The following PEX2 variants were observed in gnomAD, a reference collection of about 807,000 sequenced individuals.
The protein encoded by PEX2 is peroxisomal biogenesis factor 2.
In PEX2, 19 loss-of-function variants were observed where a neutral mutation model predicts 25.2. That is an observed-to-expected ratio of 0.75 (90% CI 0.53 to 1.10). The LOEUF (loss-of-function observed/expected upper bound fraction) is 1.10. PEX2 is among the 50% of genes least tolerant of loss of function. The probability of loss-of-function intolerance (pLI) is 0.00; values close to 1 mark genes in which losing one functional copy is unlikely to be tolerated. For synonymous variants in PEX2, 141 were observed against 127.7 expected, an observed-to-expected ratio of 1.10 and a Z score of -0.70; for missense variants, 347 against 350.6, an observed-to-expected ratio of 0.99 and a Z score of 0.08.
intron 1 of PEX2, chr8:76,999,683 G>A: frequency 2.7e-6 from 1 of 366,214 alleles, no homozygotes; most frequent in Non-Finnish European, 5.4e-6. Context: ...ACCGCCAAAT[G>A]AGAGAAAAAG....
chr8:77,000,081 C>CA (rs1467656796), upstream of PEX2: 1 of 399,250 alleles, frequency 2.5e-6, no homozygotes, highest in Non-Finnish European at 5.0e-6. Flanking sequence ...TCTGGATTAC[C>CA]AAGGCTTCCG....
At chr8:76,989,267 C>T (rs1807094411) in intron 1 of PEX2, among the ~76,000 whole-genome samples, 1 of 152,108 alleles carries the variant, frequency 6.6e-6, no homozygotes, top group Non-Finnish European at 1.5e-5. Flanking sequence ...TTAGGCTCCA[C>T]TCTAATTATA....
intron 1 of PEX2, 64 bp downstream of exon 1, chr8:76,999,926 A>G (rs1238397628): frequency 4.4e-6 from 2 of 456,550 alleles, no homozygotes; most frequent in Admixed American, 4.7e-5. Flanking sequence ...GTGAAACTCC[A>G]CGACCTCCCA....
chr8:76,994,746 A>C (rs554896338), intron 1 of PEX2, among the ~76,000 whole-genome samples: 1 of 152,168 alleles, frequency 6.6e-6, no homozygotes, highest in Non-Finnish European at 1.5e-5. Flanking sequence ...TTAGAATGAA[A>C]ATGTCACTGC....
In PEX2 at chr8:76,983,070, TTAACATTTACATAATA is replaced by T; in HGVS notation, c.*175_*190del. On this transcript the variant is annotated 3_prime_UTR_variant, in exon 4 of 4. Coordinates refer to ENST00000357039, the MANE Select transcript of PEX2 (RefSeq NM_000318.3). ...GCAATGATTTAAAAAACATAATACA[TTAACATTTACATAATA>T]TATTTAGAATCACATGGTTTCCAGT... The T allele has an allele frequency of 7.2e-7, 1 of 1,390,396 alleles. No homozygotes were observed. Among genetic ancestry groups the T allele is most frequent in the Non-Finnish European group, 9.4e-7 (1 of 1,061,930 alleles). The allele number at this position is 1,390,396 out of a possible 1,614,324, so 86.1% of individuals were successfully genotyped here.
intron 1 of PEX2, among the ~76,000 whole-genome samples, chr8:76,999,526 TTACG>T (rs1316521338): frequency 6.6e-6 from 1 of 152,212 alleles, no homozygotes; most frequent in African/African-American, 2.4e-5. Context: ...CAAACTGCAT[TTACG>T]TGCGCTTTCA....
chr8:76,989,432 C>T (rs138997572), intron 1 of PEX2, among the ~76,000 whole-genome samples: 21 of 152,202 alleles, frequency 1.4e-4, no homozygotes, highest in African/African-American at 4.6e-4. Context: ...CTTAATGGTA[C>T]ACAGAATGGC....
intron 1 of PEX2, among the ~76,000 whole-genome samples, chr8:76,992,481 C>G (rs924992893): frequency 6.6e-6 from 1 of 152,142 alleles, no homozygotes; most frequent in Admixed American, 6.5e-5. Flanking sequence ...AGAATACTCT[C>G]TTTAGAAAAG....
intron 1 of PEX2, among the ~76,000 whole-genome samples, chr8:76,997,033 C>T (rs992546291): frequency 6.6e-6 from 1 of 152,078 alleles, no homozygotes; most frequent in Non-Finnish European, 1.5e-5. Flanking sequence ...AATCTTTTTC[C>T]CCTTCAAGAT....
intron 1 of PEX2, among the ~76,000 whole-genome samples, chr8:76,995,916 A>AACAG (rs1807312010): frequency 1.6e-4 from 1 of 6,286 alleles, no homozygotes; most frequent in African/African-American, 1.2e-3. Context: ...ATTGGCTAAA[A>AACAG]AAAGAAACAA....
rs1806936755 is a variant in PEX2, at chr8:76,984,179, G to A, written c.-1C>T. 6.2e-7 allele frequency: 1 copy of A among 1,613,886 alleles called. No individual in the cohort carries two copies. Among genetic ancestry groups the A allele is most frequent in the Non-Finnish European group, 8.5e-7 (1 of 1,179,868 alleles). ...TCGCATTCTCTTTTCTGGAAGCCAT[G>A]TCTTCTCTGAAGGTCTCTAGGAAAA... On this transcript the variant is annotated 5_prime_UTR_variant, in exon 4 of 4. Coordinates refer to ENST00000357039, the MANE Select transcript of PEX2 (RefSeq NM_000318.3).
intron 1 of PEX2, among the ~76,000 whole-genome samples, chr8:76,993,715 AAATTT>A (rs1807240554): frequency 1.3e-5 from 2 of 152,188 alleles, no homozygotes; most frequent in East Asian, 3.8e-4. Context: ...AACCACCATT[AAATTT>A]AATTCTAATA....
chr8:76,987,518 G>T (rs546166656), intron 2 of PEX2, among the ~76,000 whole-genome samples: 1 of 152,246 alleles, frequency 6.6e-6, no homozygotes, highest in East Asian at 1.9e-4. Context: ...GAAGGTAACG[G>T]GAAGCCCCCA....
At chr8:76,990,737 C>T (rs1470268403) in intron 1 of PEX2, among the ~76,000 whole-genome samples, 1 of 151,806 alleles carries the variant, frequency 6.6e-6, no homozygotes, top group African/African-American at 2.4e-5. Context: ...GGATACAGTT[C>T]GTGGTGCCCC....
intron 1 of PEX2, among the ~76,000 whole-genome samples, chr8:76,993,826 C>T (rs1438228942): frequency 2.0e-5 from 3 of 151,972 alleles, no homozygotes; most frequent in Non-Finnish European, 4.4e-5. Flanking sequence ...AAAATGCTAA[C>T]CCAGGGGAGG....
At chr8:76,992,150 C>A (rs1347071543) in intron 1 of PEX2, among the ~76,000 whole-genome samples, 1 of 152,136 alleles carries the variant, frequency 6.6e-6, no homozygotes, top group East Asian at 1.9e-4. Context: ...CAGTGGAACT[C>A]ACTGCCCACT....
chr8:76,984,658 C>T (rs902398024), intron 3 of PEX2, among the ~76,000 whole-genome samples: 2 of 152,024 alleles, frequency 1.3e-5, no homozygotes, highest in South Asian at 4.1e-4. Context: ...AAGTCAAGAC[C>T]TCAGTTTATT....
In PEX2 at chr8:76,981,700, C is replaced by T. The variant is rs886063130; in HGVS notation, c.*1561G>A. ...AAGAAATGTACGTGCAACAAATCTACAAATATAGTAAAATATAGTGATGAT... is the reference window on the plus strand; with the variant it reads ...AAGAAATGTACGTGCAACAAATCTATAAATATAGTAAAATATAGTGATGAT... On this transcript the variant is annotated 3_prime_UTR_variant, in exon 4 of 4. Transcript: ENST00000357039. The T allele has an allele frequency of 6.6e-5, 10 of 152,052 alleles. No homozygotes were observed. Among genetic ancestry groups the T allele is most frequent in the Non-Finnish European group, 1.5e-4 (10 of 68,012 alleles). The allele number at this position is 152,052 out of a possible 1,614,324, so 9.4% of individuals were successfully genotyped here.
upstream of PEX2, chr8:77,000,306 C>T (rs368035174): frequency 5.1e-5 from 15 of 296,514 alleles, no homozygotes; most frequent in South Asian, 3.1e-4. Context: ...AGAACTCTGT[C>T]TCTGATTGGC....
Sources: allele counts gnomAD v4.1 joint callset (sites outside exome capture counted in the v4.1 genomes callset), GRCh38; gene constraint gnomAD v4.1.1; transcripts MANE v1.5; gene names NCBI Gene and HGNC (gene_info 2026-07-23, HGNC 2026-07-21).